KANTR: variants seen among roughly 807,000 people sequenced by gnomAD.
The protein encoded by KANTR is KANTR integral membrane protein.
At chrX:53,122,232 G>C (rs1024382287) in intron 2 of KANTR, among the ~76,000 whole-genome samples, 2 of 111,689 alleles carry the variant, frequency 1.8e-5, no homozygotes, top group Non-Finnish European at 3.8e-5. Context: ...CTTTGGTTTT[G>C]AGCACTGCTT....
At chrX:53,124,060 T>TA (rs1933260291) in exon 3 of KANTR, 2 of 186,713 alleles carry the variant, frequency 1.1e-5, no homozygotes, top group African/African-American at 1.2e-4. Flanking sequence ...ATCTGCCTGC[T>TA]ATTTTTTGTT....
intron 2 of KANTR, among the ~76,000 whole-genome samples, chrX:53,119,492 A>G (rs1933184863): frequency 9.0e-6 from 1 of 111,721 alleles, no homozygotes; most frequent in Non-Finnish European, 1.9e-5. Flanking sequence ...TATGAATAAC[A>G]TAATAATCTG....
intron 2 of KANTR, among the ~76,000 whole-genome samples, chrX:53,111,012 TTTTA>T (rs1328359563): frequency 5.5e-5 from 6 of 108,991 alleles, no homozygotes; most frequent in African/African-American, 1.0e-4. Context: ...ATTTTATAAA[TTTTA>T]TTTATTTATT....
chrX:53,114,577 T>C (rs1313102923), intron 2 of KANTR, among the ~76,000 whole-genome samples: 1 of 112,102 alleles, frequency 8.9e-6, no homozygotes, highest in East Asian at 2.8e-4. Context: ...GGACCCGATG[T>C]CTGGGTCCAT....
chrX:53,130,093 C>T (rs375432353), downstream of KANTR, among the ~76,000 whole-genome samples: 13 of 110,954 alleles, frequency 1.2e-4, no homozygotes, highest in East Asian at 2.2e-3. Flanking sequence ...TCTCAAGCTC[C>T]GGGCCTGAAG....
chrX:53,143,923 T>C, downstream of KANTR: 1 of 360,549 alleles, frequency 2.8e-6, no homozygotes, highest in Non-Finnish European at 5.2e-6. Context: ...TTGCAACCTG[T>C]GGAAGAGCAG....
intron 2 of KANTR, among the ~76,000 whole-genome samples, chrX:53,118,754 CTG>C (rs1305803254): frequency 1.5e-5 from 1 of 67,089 alleles, no homozygotes; most frequent in Non-Finnish European, 3.1e-5. Flanking sequence ...GAACTAGACT[CTG>C]TCTCAAAAAA....
chrX:53,127,803 C>G (rs925726799), downstream of KANTR, among the ~76,000 whole-genome samples: 5 of 111,345 alleles, frequency 4.5e-5, no homozygotes, highest in African/African-American at 1.6e-4. Context: ...GCTATCATCC[C>G]CCTTTCTCTT....
At chrX:53,127,560 G>A (rs1933304536), downstream of KANTR, 1 of 112,042 alleles carries the variant, frequency 8.9e-6, no homozygotes, top group Non-Finnish European at 1.9e-5. Flanking sequence ...TTTTTCATAA[G>A]GGTGGGGGCT....
intron 1 of KANTR, among the ~76,000 whole-genome samples, chrX:53,098,228 C>A (rs1932861981): frequency 9.0e-6 from 1 of 111,253 alleles, no homozygotes; most frequent in Non-Finnish European, 1.9e-5. Context: ...TATGTTTACA[C>A]TGTACCATAG....
intron 2 of KANTR, among the ~76,000 whole-genome samples, chrX:53,137,105 GTT>G (rs782319919): frequency 4.0e-4 from 44 of 110,032 alleles, no homozygotes; most frequent in Non-Finnish European, 7.2e-4. Context: ...CTTTTCTTGG[GTT>G]CTCCCATCCA....
exon 3 of KANTR, chrX:53,141,907 A>G: frequency 1.9e-6 from 1 of 525,365 alleles, no homozygotes; most frequent in South Asian, 4.9e-5. Context: ...TTCTGGCAGG[A>G]AAACATCAGC....
chrX:53,142,632 G>A (rs782559555), exon 3 of KANTR: 14 of 326,549 alleles, frequency 4.3e-5, no homozygotes, highest in South Asian at 3.8e-4. Context: ...CTTTTTGAAG[G>A]CTTATTCCAG....
At chrX:53,119,044 CTTT>C (rs59837494) in intron 2 of KANTR, among the ~76,000 whole-genome samples, 264 of 70,449 alleles carry the variant, frequency 3.7e-3, no homozygotes, top group African/African-American at 9.2e-3. Flanking sequence ...ATTTTTCTTT[CTTT>C]TTTTTTTTTT....
chrX:53,115,213 G>A (rs1047887999), intron 2 of KANTR, among the ~76,000 whole-genome samples: 1 of 110,920 alleles, frequency 9.0e-6, no homozygotes, highest in Non-Finnish European at 1.9e-5. Context: ...GTTCTGGGCT[G>A]GGCTGGAACC....
chrX:53,133,686 G>A (rs781926853), intron 2 of KANTR, among the ~76,000 whole-genome samples: 32 of 111,792 alleles, frequency 2.9e-4, no homozygotes, highest in Admixed American at 8.5e-4. Flanking sequence ...TATTGAGGGT[G>A]GGGGCTGGTC....
chrX:53,113,057 A>G, intron 2 of KANTR: 1 of 221,948 alleles, frequency 4.5e-6, no homozygotes, highest in Non-Finnish European at 9.0e-6. Flanking sequence ...AGATGATTAT[A>G]ATTATGAACT....
chrX:53,106,367 TC>T (rs1932954045), intron 2 of KANTR, among the ~76,000 whole-genome samples: 1 of 109,918 alleles, frequency 9.1e-6, no homozygotes, highest in Non-Finnish European at 1.9e-5. Flanking sequence ...AGGAATTTTA[TC>T]GTTTTAGCTC....
intron 2 of KANTR, among the ~76,000 whole-genome samples, chrX:53,101,977 G>A (rs1556811939): frequency 9.4e-6 from 1 of 106,670 alleles, no homozygotes; most frequent in African/African-American, 3.4e-5. Flanking sequence ...TCTAGCCTGG[G>A]TGACAGGAGT....
Sources: allele counts gnomAD v4.1 joint callset (sites outside exome capture counted in the v4.1 genomes callset), GRCh38; gene constraint gnomAD v4.1.1; transcripts MANE v1.5; gene names NCBI Gene and HGNC (gene_info 2026-07-23, HGNC 2026-07-21).